Variants in TOGARAM1 observed in about 807,000 individuals in gnomAD.
TOGARAM1 encodes the protein TOG array regulator of axonemal microtubules 1.
Under a neutral mutation model 166.6 loss-of-function variants are expected in TOGARAM1, and 100 were observed. The ratio of observed to expected loss-of-function variants is 0.60; its 90% CI spans 0.51 to 0.71. The LOEUF is 0.71. Among genes scored for constraint, TOGARAM1 ranks in the 30% least tolerant of loss-of-function variants. The pLI, the probability that TOGARAM1 is intolerant of heterozygous loss-of-function variation, is 0.00. For synonymous variants in TOGARAM1, 758 were observed against 763.8 expected (o/e 0.99, Z 0.13); for missense variants, 2,029 against 2,102.7 (o/e 0.96, Z 0.69).
At chr14:45,002,736 G>T (rs1365187774) in intron 3 of TOGARAM1, among the ~76,000 whole-genome samples, 2 of 152,142 alleles carry the variant, frequency 1.3e-5, no homozygotes, top group African/African-American at 4.8e-5. Flanking sequence ...CTAGTGCTTT[G>T]GGAGGCCAAG....
In TOGARAM1 at chr14:44,962,308, T is replaced by G. The variant is rs1217991664; in HGVS notation, c.-114T>G. On this transcript the variant is annotated 5_prime_UTR_variant, in exon 1 of 20. Transcript: ENST00000361462. Reference sequence around the variant, plus strand: ...CGGCCTGGCGGCAGGCTGAAGCTGTTCTTTTGCCTCTTCTGCAGCTTGGGG... The same window carrying G: ...CGGCCTGGCGGCAGGCTGAAGCTGTGCTTTTGCCTCTTCTGCAGCTTGGGG... The G allele has an allele frequency of 7.5e-7, 1 of 1,335,216 alleles. No individual in the cohort carries two copies. 82.7% of individuals were successfully genotyped at this position (1,335,216 alleles called of 1,614,324 possible). A position where few individuals can be genotyped will look rare whatever the true frequency, so the allele number is the denominator to read the frequency against.
chr14:44,962,946 C>CTTTCT lies in TOGARAM1; in HGVS notation c.528_529insCTTTT (p.Ser177LeufsTer4), dbSNP rs764844631. The CTTTCT allele has an allele frequency of 1.2e-6, 2 of 1,614,194 alleles. No individual in the cohort carries two copies. The highest frequency in any genetic ancestry group is 2.2e-5 in the South Asian group (2 of 91,080). On this transcript the variant is annotated frameshift_variant, in exon 1 of 20. Coordinates refer to ENST00000361462, the MANE Select transcript of TOGARAM1 (RefSeq NM_001308120.2). LOFTEE classifies it high-confidence loss of function. ...GGGAGGCAGGCCAGCTTGAAGAGGC[C>CTTTCT]TTTAGCTTAGCACTTTTGCCTCAAC...
chr14:45,064,391 A>G lies in TOGARAM1; in HGVS notation c.4560-2187A>G, dbSNP rs1020712842. On this transcript the variant is annotated intron_variant, in intron 16 of 19. Coordinates refer to ENST00000361462, the MANE Select transcript of TOGARAM1 (RefSeq NM_001308120.2). Reference sequence around the variant, plus strand: ...AGTAATCCTCCAGCCTCGGTCTTCCAAAGTGCTGGGATTATAGGTGTAAGC... The same window carrying G: ...AGTAATCCTCCAGCCTCGGTCTTCCGAAGTGCTGGGATTATAGGTGTAAGC... 3.3e-5 allele frequency among the ~76,000 whole-genome samples: 5 copies of G among 152,028 alleles called. No homozygotes were observed. In the East Asian group the frequency reaches 7.7e-4, roughly 23 times the overall value.
At chr14:45,068,731 AT>A (rs1883249521) in intron 18 of TOGARAM1, 88 bp downstream of exon 18, 4 of 923,706 alleles carry the variant, frequency 4.3e-6, no homozygotes, top group Non-Finnish European at 6.3e-6. Context: ...TAATGCTGAA[AT>A]CCTAGTTATT....
chr14:45,049,770 G>T (rs2138967582), intron 14 of TOGARAM1, among the ~76,000 whole-genome samples: 1 of 151,930 alleles, frequency 6.6e-6, no homozygotes, highest in Non-Finnish European at 1.5e-5. Context: ...AATTCAAGAG[G>T]GTTAGATCAT....
chr14:45,063,479 G>GTTTTTTTTTTTTTTTTTTTTTT (rs373702236), intron 16 of TOGARAM1, among the ~76,000 whole-genome samples: 16 of 118,688 alleles, frequency 1.3e-4, no homozygotes, highest in Non-Finnish European at 1.7e-4. Flanking sequence ...ATTTGACAAA[G>GTTTTTTTTTTTTTTTTTTTTTT]TTTTTTTTTT....
At chr14:45,052,765 G>A (rs771209756) in intron 15 of TOGARAM1, among the ~76,000 whole-genome samples, 1 of 152,160 alleles carries the variant, frequency 6.6e-6, no homozygotes, top group Non-Finnish European at 1.5e-5. Context: ...AATGTTTATT[G>A]CACAGAAGCT....
chr14:45,071,861 T>C (rs1488337957), intron 19 of TOGARAM1, 63 bp downstream of exon 19: 5 of 1,276,178 alleles, frequency 3.9e-6, no homozygotes, highest in Non-Finnish European at 5.5e-6. Flanking sequence ...ATAAACTGTT[T>C]CAATTTAATT....
At chr14:45,014,800 T>G (rs1305314765) in intron 7 of TOGARAM1, among the ~76,000 whole-genome samples, 1 of 152,130 alleles carries the variant, frequency 6.6e-6, no homozygotes, top group Non-Finnish European at 1.5e-5. Flanking sequence ...TGTTTATGAG[T>G]CTTATTTTAT....
At position 45,027,309 on chromosome 14, in the gene TOGARAM1, A is replaced by G; in HGVS notation, c.3339A>G (p.Gly1113=). 1 of 1,612,942 alleles carries G rather than the reference A, an allele frequency of 6.2e-7. No individual in the cohort carries two copies. The change falls in exon 9 of 20, where the codon GGA becomes GGG. Residue 1113 remains glycine (G), a synonymous_variant. Coordinates refer to ENST00000361462, the MANE Select transcript of TOGARAM1 (RefSeq NM_001308120.2). ...SVVVVGKGVF[G]SLSSAPATCS... is the part of the protein sequence containing the mutation. ...GTTGGTTGATTTCAGGCGTATTTGG[A>G]AGTTTAAGTTCAGCACCAGCAACCT...
intron 6 of TOGARAM1, 133 bp from the exon 7 acceptor site, chr14:45,011,842 C>A: frequency 1.8e-6 from 1 of 552,584 alleles, no homozygotes; most frequent in Non-Finnish European, 3.2e-6. Flanking sequence ...CATAGTTTTT[C>A]AAGTGTCATA....
intron 11 of TOGARAM1, among the ~76,000 whole-genome samples, chr14:45,041,262 A>C (rs142819043): frequency 0.047 from 7,036 of 150,860 alleles, 528 homozygotes; most frequent in African/African-American, 0.16. Context: ...TTAGCCGGCC[A>C]TGGTGGCACA....
rs200765653 is a variant in TOGARAM1, at chr14:45,025,878, T to A, written c.3328+6T>A. 142 of 1,484,282 alleles carry A rather than the reference T, an allele frequency of 9.6e-5. No individual in the cohort carries two copies. Among genetic ancestry groups the A allele is most frequent in the Non-Finnish European group, 1.3e-4 (138 of 1,067,818 alleles). 91.9% of individuals were successfully genotyped at this position (1,484,282 alleles called of 1,614,324 possible). The stretch of plus-strand genomic sequence containing the variant: ...AGTAGTAGTTGTTGGAAAAGGTATT[T>A]CAAAGTTATTTCGCTTCTTAATTAT... On this transcript the variant is annotated splice_donor_region_variant and intron_variant, in intron 8 of 19. Transcript: ENST00000361462.
At chr14:45,017,665 C>T (rs752870901) in intron 7 of TOGARAM1, among the ~76,000 whole-genome samples, 8 of 152,150 alleles carry the variant, frequency 5.3e-5, no homozygotes, top group South Asian at 2.1e-4. Flanking sequence ...GGGTGGATCA[C>T]CTGAGGTCAG....
At chr14:44,995,620 T>G in intron 1 of TOGARAM1, 126 bp from the exon 2 acceptor site, 1 of 680,546 alleles carries the variant, frequency 1.5e-6, no homozygotes, top group Non-Finnish European at 2.5e-6. Context: ...ATCTGTATCA[T>G]TATATATTTG....
chr14:45,030,058 G>A (rs1016852787), intron 10 of TOGARAM1, among the ~76,000 whole-genome samples: 1 of 151,998 alleles, frequency 6.6e-6, no homozygotes, highest in Non-Finnish European at 1.5e-5. Flanking sequence ...CTGACCTCGT[G>A]ATCTGCTCAC....
intron 7 of TOGARAM1, among the ~76,000 whole-genome samples, chr14:45,024,935 C>T (rs1880741124): frequency 6.6e-6 from 1 of 152,134 alleles, no homozygotes; most frequent in South Asian, 2.1e-4. Flanking sequence ...ACATATTTCT[C>T]TTTTCTTTTT....
At chr14:45,045,730 T>TATATATGTGTATATATATACAC (rs1882033280) in intron 13 of TOGARAM1, among the ~76,000 whole-genome samples, 1 of 131,994 alleles carries the variant, frequency 7.6e-6, no homozygotes. Context: ...TATATACACA[T>TATATATGTGTATATATATACAC]ATATATACAC....
chr14:45,057,876 A>G (rs1882715439), intron 16 of TOGARAM1, among the ~76,000 whole-genome samples: 1 of 152,216 alleles, frequency 6.6e-6, no homozygotes, highest in Admixed American at 6.5e-5. Flanking sequence ...TCTGTGTTGA[A>G]GAATGTTCCA....
Sources: gnomAD v4.1 joint callset for allele counts (sites outside exome capture counted in the v4.1 genomes callset) on GRCh38, gnomAD v4.1.1 for gene constraint, MANE v1.5 for transcripts, NCBI Gene and HGNC (gene_info 2026-07-23, HGNC 2026-07-21) for gene names.